Variants in EZH1 observed in about 807,000 individuals in gnomAD.
The protein encoded by EZH1 is histone-lysine N-methyltransferase EZH1.
A neutral mutation model predicts 100.5 loss-of-function variants in EZH1; 33 were observed. The observed-to-expected ratio is 0.33, with a 90% CI of 0.25 to 0.44. EZH1 has a LOEUF of 0.44. Ranked by LOEUF, EZH1 falls within the 20% of genes least tolerant of loss-of-function variation. The pLI, the probability that EZH1 is intolerant of heterozygous loss-of-function variation, is 1.00. For synonymous variants in EZH1, 272 were observed against 313.8 expected (o/e 0.87, Z 1.41); for missense variants, 475 against 928.4 (o/e 0.51, Z 6.35).
chr17:42,728,930 T>A lies in EZH1; in HGVS notation c.12A>T (p.Pro4=). MEI[P]NPPTSKCITY... The stretch of plus-strand genomic sequence containing the variant: ...TGATACATTTGGAGGTAGGGGGATT[T>A]GGTATTTCCATCTTGCTGTAATCTA... The change falls in exon 3 of 21, where the codon CCA becomes CCT. Residue 4 remains proline (P), a synonymous_variant. Transcript: ENST00000428826. 2 of 1,613,000 alleles carry A rather than the reference T, an allele frequency of 1.2e-6. No individual in the cohort carries two copies. The highest frequency in any genetic ancestry group is 1.1e-5 in the South Asian group (1 of 90,856).
At chr17:42,713,731 G>A (rs187270935) in intron 10 of EZH1, among the ~76,000 whole-genome samples, 36 of 152,172 alleles carry the variant, frequency 2.4e-4, no homozygotes, top group African/African-American at 8.7e-4. Flanking sequence ...AAGTAGCTAG[G>A]ACCACACGCA....
intron 7 of EZH1, among the ~76,000 whole-genome samples, chr17:42,719,898 T>C (rs2053674386): frequency 6.6e-6 from 1 of 152,196 alleles, no homozygotes; most frequent in Admixed American, 6.5e-5. Context: ...GAATACACTA[T>C]GTCCCTGGAC....
intron 1 of EZH1, among the ~76,000 whole-genome samples, chr17:42,739,658 C>G (rs1256499128): frequency 6.6e-6 from 1 of 151,782 alleles, no homozygotes; most frequent in Non-Finnish European, 1.5e-5. Context: ...ACCCAGGAGG[C>G]AGAGGTTGCA....
Position 42,702,454 on chromosome 17 carries a change from G to A in EZH1, c.*78C>T. On this transcript the variant is annotated 3_prime_UTR_variant, in exon 21 of 21. Transcript: ENST00000428826. ...TCAGTGTGGGAGACACAGTGCAGGA[G>A]ACTCGAGCAGCAGTGGTGTGAGCAC... is the stretch of plus-strand genomic sequence containing the variant. 8.1e-7 allele frequency: 1 copy of A among 1,229,472 alleles called. No individual in the cohort carries two copies. The allele number at this position is 1,229,472 out of a possible 1,614,324, so 76.2% of individuals were successfully genotyped here. A position where few individuals can be genotyped will look rare whatever the true frequency, so the allele number is the denominator to read the frequency against.
At chr17:42,710,629 G>GTT (rs1205688200) in intron 12 of EZH1, among the ~76,000 whole-genome samples, 89 of 139,956 alleles carry the variant, frequency 6.4e-4, no homozygotes, top group African/African-American at 2.2e-3. Flanking sequence ...GTTTTTGTTT[G>GTT]TTTTTTTTTT....
At position 42,713,339 on chromosome 17, in the gene EZH1, A is replaced by G. The variant is rs2053527104; in HGVS notation, c.1074T>C (p.Ser358=). The change falls in exon 11 of 21, where the codon TCT becomes TCC. Residue 358 remains serine, a synonymous_variant. Transcript: ENST00000428826. ...AMLHNPRSKC[S]GRRRRRHHIV... ...TGTGGTGCCTTCTCCGGCGACGACC[A>G]GAGCACTTGGAGCGGGGGTTGTGGA... is the stretch of plus-strand genomic sequence containing the variant. The G allele has an allele frequency of 1.2e-6, 2 of 1,611,874 alleles. No homozygotes were observed. The highest frequency in any genetic ancestry group is 2.2e-5 in the South Asian group (2 of 91,044).
rs747924624 is a variant in EZH1 at position 42,713,329 on chromosome 17, G to A, written c.1084C>T (p.Arg362Trp). 8.7e-6 allele frequency: 14 copies of A among 1,612,454 alleles called. No homozygotes were observed. Among genetic ancestry groups the A allele is most frequent in the South Asian group, 1.1e-5 (1 of 91,024 alleles). The change falls in exon 11 of 21, where the codon CGG becomes TGG. Residue 362 changes from arginine to tryptophan, a missense_variant. Transcript: ENST00000428826. ...GCACTGACTATGTGGTGCCTTCTCC[G>A]GCGACGACCAGAGCACTTGGAGCGG... ...NPRSKCSGRR[R>W]RRHHIVSASC...
At chr17:42,708,956 A>G in intron 13 of EZH1, 40 bp from the exon 14 acceptor site, 1 of 1,613,422 alleles carries the variant, frequency 6.2e-7, no homozygotes, top group Non-Finnish European at 8.5e-7. Context: ...TCACGGCCCT[A>G]GGGAGCTCTG....
At chr17:42,709,222 C>T (rs536183364) in intron 13 of EZH1, 2 of 349,254 alleles carry the variant, frequency 5.7e-6, no homozygotes, top group East Asian at 4.6e-5. Context: ...TTGTTTCTCT[C>T]CAAATCTCTC....
chr17:42,703,120 G>A (rs1016558685), intron 19 of EZH1, 159 bp from the exon 20 acceptor site: 2 of 640,800 alleles, frequency 3.1e-6, no homozygotes, highest in African/African-American at 3.7e-5. Flanking sequence ...TTTTAGATCT[G>A]TTATTATGGC....
Position 42,717,403 on chromosome 17 carries a change from T to C in EZH1, c.1023+573A>G, listed in dbSNP as rs575619138. Among the ~76,000 whole-genome samples the C allele has an allele frequency of 1.8e-4, 28 of 152,314 alleles. No individual in the cohort carries two copies. In the South Asian group the frequency reaches 5.4e-3, roughly 29 times the overall value. On this transcript the variant is annotated intron_variant, in intron 10 of 20. Coordinates refer to ENST00000428826, the MANE Select transcript of EZH1 (RefSeq NM_001991.5). Reference sequence around the variant, plus strand: ...ATAGGTGGCAGAAATTTTATCAAGGTATTTTATTCATCGCCTAGGCTCATC... The same window carrying C: ...ATAGGTGGCAGAAATTTTATCAAGGCATTTTATTCATCGCCTAGGCTCATC...
chr17:42,709,720 A>G, intron 13 of EZH1, 126 bp downstream of exon 13: 1 of 818,554 alleles, frequency 1.2e-6, no homozygotes, highest in East Asian at 2.6e-5. Context: ...ATGTGATGCC[A>G]AGCTGATGGG....
intron 19 of EZH1, chr17:42,703,332 G>GC (rs2053283602): frequency 6.9e-6 from 2 of 291,304 alleles, no homozygotes; most frequent in Non-Finnish European, 6.6e-6. Context: ...ACACCACCAC[G>GC]CCCCCCAGCT....
intron 20 of EZH1, 99 bp downstream of exon 20, chr17:42,702,778 C>A: frequency 7.4e-7 from 1 of 1,358,710 alleles, no homozygotes; most frequent in Non-Finnish European, 1.1e-6. Flanking sequence ...AGACTCTCTC[C>A]TCCATCTCCA....
intron 19 of EZH1, chr17:42,703,290 T>C: frequency 3.1e-6 from 1 of 323,904 alleles, no homozygotes; most frequent in Non-Finnish European, 5.9e-6. Flanking sequence ...TTCTTGTGCC[T>C]CAGCCACCTG....
intron 2 of EZH1, among the ~76,000 whole-genome samples, chr17:42,730,582 C>T (rs1176705338): frequency 1.4e-5 from 2 of 145,422 alleles, no homozygotes; most frequent in East Asian, 2.0e-4. Context: ...CTGCAAGCTC[C>T]GCCTCCCGGG....
In EZH1 at chr17:42,728,738, T is replaced by C. The variant is rs577328796; in HGVS notation, c.117+87A>G. The C allele has an allele frequency of 3.9e-4, 529 of 1,344,188 alleles. 4 individuals are homozygous for C. Among genetic ancestry groups the C allele is most frequent in the South Asian group, 1.6e-3 (118 of 71,920 alleles). The allele number at this position is 1,344,188 out of a possible 1,614,324, so 83.3% of individuals were successfully genotyped here. A position where few individuals can be genotyped will look rare whatever the true frequency, so the allele number is the denominator to read the frequency against. ...ACCTGGGTGACAGAGTGAGACTCTGTCTCAAAAAAAAAAAAAAATTCCAAC... is the reference window on the plus strand; with the variant it reads ...ACCTGGGTGACAGAGTGAGACTCTGCCTCAAAAAAAAAAAAAAATTCCAAC... On this transcript the variant is annotated intron_variant, in intron 3 of 20. Transcript: ENST00000428826.
At position 42,720,548 on chromosome 17, in the gene EZH1, G is replaced by T. The variant is rs541948888; in HGVS notation, c.488-99C>A. ...GTACTCACTCCAGAGGCCCAGATAT[G>T]TCACATGTGTACATTTTTACATGGG... On this transcript the variant is annotated intron_variant, in intron 6 of 20. Coordinates refer to ENST00000428826, the MANE Select transcript of EZH1 (RefSeq NM_001991.5). The T allele has an allele frequency of 2.4e-5, 24 of 1,014,322 alleles. No individual in the cohort carries two copies. In the South Asian group the frequency reaches 4.2e-4, roughly 18 times the overall value. The allele number at this position is 1,014,322 out of a possible 1,614,324, so 62.8% of individuals were successfully genotyped here. A position where few individuals can be genotyped will look rare whatever the true frequency, so the allele number is the denominator to read the frequency against.
At chr17:42,721,908 T>A (rs1477204929) in intron 6 of EZH1, among the ~76,000 whole-genome samples, 4 of 151,450 alleles carry the variant, frequency 2.6e-5, no homozygotes, top group Non-Finnish European at 4.4e-5. Flanking sequence ...TCCCAGCACT[T>A]TGGGAGGCTG....
Sources: gnomAD v4.1 joint callset for allele counts (sites outside exome capture counted in the v4.1 genomes callset) on GRCh38, gnomAD v4.1.1 for gene constraint, MANE v1.5 for transcripts, NCBI Gene and HGNC (gene_info 2026-07-23, HGNC 2026-07-21) for gene names.